VPS13B: variants seen among roughly 807,000 people sequenced by gnomAD.
The protein encoded by VPS13B is vacuolar protein sorting 13 homolog B.
A neutral mutation model predicts 426.4 loss-of-function variants in VPS13B; 285 were observed. That is an observed-to-expected ratio of 0.67 (90% CI 0.61 to 0.74). The LOEUF (loss-of-function observed/expected upper bound fraction) is 0.74. VPS13B is among the 30% of genes least tolerant of loss of function. The probability of loss-of-function intolerance (pLI) is 0.00; values close to 1 mark genes in which losing one functional copy is unlikely to be tolerated. For missense variants in VPS13B, 4,537 were observed against 4,782.6 expected, an observed-to-expected ratio of 0.95 and a Z score of 1.51; for synonymous variants, 1,676 against 1,676.4, an observed-to-expected ratio of 1.00 and a Z score of 0.01.
At chr8:99,313,067 A>G (rs1482202086) in intron 19 of VPS13B, among the ~76,000 whole-genome samples, 1 of 152,100 alleles carries the variant, frequency 6.6e-6, no homozygotes, top group Admixed American at 6.5e-5. Flanking sequence ...TTAGCCATTC[A>G]TCTAATCTTT....
At chr8:99,285,114 C>A (rs1042999409) in intron 19 of VPS13B, among the ~76,000 whole-genome samples, 7 of 152,118 alleles carry the variant, frequency 4.6e-5, no homozygotes, top group African/African-American at 1.7e-4. Context: ...AATTTTTTCT[C>A]AAGGTAAAAA....
At chr8:99,016,258 G>T (rs886754798) in intron 2 of VPS13B, among the ~76,000 whole-genome samples, 2 of 152,134 alleles carry the variant, frequency 1.3e-5, no homozygotes, top group Non-Finnish European at 2.9e-5. Flanking sequence ...TAGAAGGTAG[G>T]CCTGTGTTTA....
At chr8:99,828,505 A>G (rs571708523) in intron 51 of VPS13B, among the ~76,000 whole-genome samples, 2 of 142,476 alleles carry the variant, frequency 1.4e-5, no homozygotes, top group African/African-American at 5.2e-5. Flanking sequence ...TGCACATGAG[A>G]TGGGTCTCCT....
At chr8:99,179,388 C>T (rs1812821208) in intron 16 of VPS13B, among the ~76,000 whole-genome samples, 1 of 152,070 alleles carries the variant, frequency 6.6e-6, no homozygotes, top group Admixed American at 6.6e-5. Context: ...TTCTTTGATG[C>T]CCTCTATGGT....
intron 35 of VPS13B, among the ~76,000 whole-genome samples, chr8:99,668,066 T>C (rs1262207270): frequency 6.6e-6 from 1 of 152,220 alleles, no homozygotes; most frequent in Non-Finnish European, 1.5e-5. Flanking sequence ...AATCTTTAGC[T>C]ATTATTATGT....
chr8:99,862,757 T>C (rs1202595522), intron 58 of VPS13B, among the ~76,000 whole-genome samples: 1 of 152,204 alleles, frequency 6.6e-6, no homozygotes, highest in African/African-American at 2.4e-5. Context: ...CTCTCTCTGA[T>C]CTTCAGTTCT....
At chr8:99,280,699 A>G (rs1409262270) in intron 19 of VPS13B, among the ~76,000 whole-genome samples, 1 of 152,060 alleles carries the variant, frequency 6.6e-6, no homozygotes, top group Non-Finnish European at 1.5e-5. Flanking sequence ...ATCTACCAAT[A>G]TCTTTCTCTG....
At chr8:99,152,108 G>C (rs1401122860) in intron 14 of VPS13B, among the ~76,000 whole-genome samples, 1 of 151,952 alleles carries the variant, frequency 6.6e-6, no homozygotes, top group Non-Finnish European at 1.5e-5. Context: ...TTAGGTGATT[G>C]ATTTTAGATT....
intron 2 of VPS13B, among the ~76,000 whole-genome samples, chr8:99,037,409 TGTA>T (rs908504584): frequency 1.5e-4 from 23 of 152,094 alleles, no homozygotes; most frequent in African/African-American, 5.6e-4. Flanking sequence ...ATATTCAAAA[TGTA>T]GTCTTTTTAT....
intron 19 of VPS13B, among the ~76,000 whole-genome samples, chr8:99,303,820 G>A (rs1006406183): frequency 1.3e-5 from 2 of 151,014 alleles, no homozygotes; most frequent in African/African-American, 4.9e-5. Flanking sequence ...TTGTGGCTCA[G>A]TGCCTGGCAA....
At chr8:99,259,163 A>G (rs1456757608) in intron 17 of VPS13B, among the ~76,000 whole-genome samples, 1 of 152,086 alleles carries the variant, frequency 6.6e-6, no homozygotes, top group Non-Finnish European at 1.5e-5. Flanking sequence ...GAGAAAACTT[A>G]GCGTAGTTTA....
At chr8:99,384,094 C>A in intron 19 of VPS13B, 114 bp from the exon 20 acceptor site, 1 of 898,554 alleles carries the variant, frequency 1.1e-6, no homozygotes, top group South Asian at 1.3e-5. Flanking sequence ...TCCTTTCCAA[C>A]GCTTGTTACT....
At chr8:99,861,624 T>G in intron 57 of VPS13B, 152 bp from the exon 58 acceptor site, 2 of 1,047,896 alleles carry the variant, frequency 1.9e-6, no homozygotes, top group South Asian at 2.7e-5. Context: ...CTTAAGGCTC[T>G]TTCTTCAAAT....
chr8:99,779,175 CCTT>C, intron 42 of VPS13B, 144 bp downstream of exon 42: 2 of 862,548 alleles, frequency 2.3e-6, no homozygotes, highest in Middle Eastern at 3.1e-4. Context: ...ATACTTGAGG[CCTT>C]CTCTGTTTTG....
At chr8:99,040,415 A>AT (rs558249074) in intron 3 of VPS13B, among the ~76,000 whole-genome samples, 1 of 152,186 alleles carries the variant, frequency 6.6e-6, no homozygotes, top group African/African-American at 2.4e-5. Context: ...GATGTTTAAA[A>AT]TTTTGGGTTA....
intron 43 of VPS13B, among the ~76,000 whole-genome samples, chr8:99,791,040 A>G (rs1316498416): frequency 6.6e-6 from 1 of 152,194 alleles, no homozygotes; most frequent in Non-Finnish European, 1.5e-5. Context: ...TTTCCACAGA[A>G]GCTAAGTTTG....
At chr8:99,101,679 C>CT (rs1846758546) in intron 4 of VPS13B, among the ~76,000 whole-genome samples, 1 of 152,174 alleles carries the variant, frequency 6.6e-6, no homozygotes, top group Admixed American at 6.5e-5. Flanking sequence ...AACCTCGAAT[C>CT]TAAGTTGTAT....
At chr8:99,866,453 G>T (rs998305965) in intron 58 of VPS13B, among the ~76,000 whole-genome samples, 6 of 152,224 alleles carry the variant, frequency 3.9e-5, no homozygotes, top group Admixed American at 3.9e-4. Flanking sequence ...CTGAGCCCAG[G>T]GCAGGTGGTT....
rs768459862 is a variant in VPS13B at position 99,784,427 on chromosome 8, C to T, written c.7892C>T (p.Ala2631Val). Residue 2631 changes from alanine (A) to valine (V), a missense_variant, in exon 43 of 62, where the codon GCG becomes GTG. By Grantham distance (64) the Ala-to-Val change is moderately conservative. Transcript: ENST00000357162. ...QVDTDENILL[A>V]SLHSHQYSWR... is the part of the protein sequence containing the mutation. ...GATACTGATGAAAATATTCTGCTGG[C>T]GAGTCTCCACAGTCACCAGTACAGC... 1.2e-5 allele frequency: 19 copies of T among 1,613,530 alleles called. No individual in the cohort carries two copies. The highest frequency in any genetic ancestry group is 8.8e-5 in the South Asian group (8 of 91,086).
Sources: allele counts gnomAD v4.1 joint callset (sites outside exome capture counted in the v4.1 genomes callset), GRCh38; gene constraint gnomAD v4.1.1; transcripts MANE v1.5; gene names NCBI Gene and HGNC (gene_info 2026-07-23, HGNC 2026-07-21).